Variants in OPRD1 observed in about 807,000 individuals in gnomAD.
The protein encoded by OPRD1 is delta-type opioid receptor.
OPRD1 carries 19 observed loss-of-function variants against 17.5 expected under a neutral mutation model. That is an observed-to-expected ratio of 1.09 (90% CI 0.76 to 1.60). The LOEUF (loss-of-function observed/expected upper bound fraction) is 1.60. Among genes scored for constraint, OPRD1 ranks in the 40% most tolerant of loss-of-function variants. OPRD1 has a pLI of 0.00. For missense variants in OPRD1, 483 were observed against 547.2 expected, an observed-to-expected ratio of 0.88 and a Z score of 1.17; for synonymous variants, 256 against 240.9, an observed-to-expected ratio of 1.06 and a Z score of -0.58.
rs375062380 is a variant in OPRD1, at chr1:28,859,065, G to A, written c.339G>A (p.Thr113=). ...PFQSAKYLME[T]WPFGELLCKA... ...AGAGTGCCAAGTACCTGATGGAGAC[G>A]TGGCCCTTCGGCGAGCTGCTCTGCA... The change falls in exon 2 of 3, where the codon ACG becomes ACA. Residue 113 remains threonine, a synonymous_variant. Coordinates refer to ENST00000234961, the MANE Select transcript of OPRD1 (RefSeq NM_000911.4). 35 of 1,614,066 alleles carry A rather than the reference G, an allele frequency of 2.2e-5. No individual in the cohort carries two copies. The highest frequency in any genetic ancestry group is 8.0e-5 in the African/African-American group (6 of 74,940).
intron 1 of OPRD1, among the ~76,000 whole-genome samples, chr1:28,857,454 TTTTTC>T (rs948427898): frequency 3.9e-5 from 6 of 152,114 alleles, no homozygotes; most frequent in African/African-American, 1.4e-4. Flanking sequence ...AGTATTTTTC[TTTTTC>T]TTTTCTTTTA....
intron 1 of OPRD1, among the ~76,000 whole-genome samples, chr1:28,853,483 C>A (rs2089026356): frequency 6.6e-6 from 1 of 152,178 alleles, no homozygotes; most frequent in Non-Finnish European, 1.5e-5. Flanking sequence ...TTAGGCATAG[C>A]CTTGCTTAAC....
At position 28,866,355 on chromosome 1, in the gene OPRD1, G is replaced by A. The variant is rs1307679510; in HGVS notation, c.*3072G>A. 1 of 152,284 alleles carries A rather than the reference G, an allele frequency of 6.6e-6. No individual in the cohort carries two copies. Among genetic ancestry groups the A allele is most frequent in the Non-Finnish European group, 1.5e-5 (1 of 68,082 alleles). The allele number at this position is 152,284 out of a possible 1,614,324, so 9.4% of individuals were successfully genotyped here. A position where few individuals can be genotyped will look rare whatever the true frequency, so the allele number is the denominator to read the frequency against. On this transcript the variant is annotated 3_prime_UTR_variant, in exon 3 of 3. Transcript: ENST00000234961. ...AATAGGAGTTGGCCACCAAAAAGAG[G>A]AAATAGCGTGTGCGGAGGCATGGGG...
At position 28,863,179 on chromosome 1, in the gene OPRD1, C is replaced by A; in HGVS notation, c.1015C>A (p.Arg339Ser). Reference protein sequence around the residue: ...FRQLCRKPCGRPDPSSFSRAR... With the variant: ...FRQLCRKPCGSPDPSSFSRAR... Reference sequence around the variant, plus strand: ...CCAGCTCTGCCGCAAGCCCTGCGGCCGCCCAGACCCCAGCAGCTTCAGCCG... The same window carrying A: ...CCAGCTCTGCCGCAAGCCCTGCGGCAGCCCAGACCCCAGCAGCTTCAGCCG... The change falls in exon 3 of 3, where the codon CGC becomes AGC. Residue 339 changes from arginine to serine, a missense_variant. Arg to Ser is a moderately radical substitution (Grantham distance 110). Coordinates refer to ENST00000234961, the MANE Select transcript of OPRD1 (RefSeq NM_000911.4). The A allele has an allele frequency of 6.3e-7, 1 of 1,598,406 alleles. No individual in the cohort carries two copies. The highest frequency in any genetic ancestry group is 1.1e-5 in the South Asian group (1 of 90,086).
At chr1:28,830,680 C>A (rs1042770835) in intron 1 of OPRD1, among the ~76,000 whole-genome samples, 50 of 152,224 alleles carry the variant, frequency 3.3e-4, no homozygotes, top group African/African-American at 1.2e-3. Flanking sequence ...ATAACTTGCT[C>A]ATAGCAGGGT....
chr1:28,862,466 G>A (rs747283995), intron 2 of OPRD1, among the ~76,000 whole-genome samples: 3 of 152,214 alleles, frequency 2.0e-5, no homozygotes, highest in South Asian at 2.1e-4. Flanking sequence ...ATTTCATTAC[G>A]GCCACCCATG....
In OPRD1 at chr1:28,846,130, C is replaced by G. The variant is rs569114854; in HGVS notation, c.228-12824C>G. On this transcript the variant is annotated intron_variant, in intron 1 of 2. Coordinates refer to ENST00000234961, the MANE Select transcript of OPRD1 (RefSeq NM_000911.4). ...CACTGTCGTCACATGTGATTTCTGACCATTCCTGCAGCCCATCAGGCTCTT... is the reference window on the plus strand; with the variant it reads ...CACTGTCGTCACATGTGATTTCTGAGCATTCCTGCAGCCCATCAGGCTCTT... Among the ~76,000 whole-genome samples the G allele has an allele frequency of 5.3e-5, 8 of 152,298 alleles. No individual in the cohort carries two copies. In the South Asian group the frequency reaches 1.7e-3, roughly 32 times the overall value.
At chr1:28,860,398 T>C (rs2089102873) in intron 2 of OPRD1, among the ~76,000 whole-genome samples, 1 of 152,000 alleles carries the variant, frequency 6.6e-6, no homozygotes. Context: ...CCATTTCTTC[T>C]AGTGACAGCT....
chr1:28,825,458 T>G (rs1298947975), intron 1 of OPRD1, among the ~76,000 whole-genome samples: 2 of 152,056 alleles, frequency 1.3e-5, no homozygotes, highest in East Asian at 3.9e-4. Flanking sequence ...CGATCTCGGC[T>G]CACTGCAACC....
chr1:28,824,707 G>A (rs2088749357), intron 1 of OPRD1, among the ~76,000 whole-genome samples: 1 of 152,078 alleles, frequency 6.6e-6, no homozygotes, highest in African/African-American at 2.4e-5. Flanking sequence ...TGCAGACCTC[G>A]TAGGAGGTGA....
At chr1:28,848,434 A>C (rs529520) in intron 1 of OPRD1, among the ~76,000 whole-genome samples, 72,219 of 151,960 alleles carry the variant, frequency 0.48, 18,765 homozygotes, top group East Asian at 0.87. Flanking sequence ...GGCAGTGTCC[A>C]TCAATATACT....
chr1:28,824,838 C>G (rs1338754159), intron 1 of OPRD1, among the ~76,000 whole-genome samples: 2 of 151,968 alleles, frequency 1.3e-5, no homozygotes, highest in Non-Finnish European at 2.9e-5. Context: ...AGAGCCCACA[C>G]TCTTTTTTTT....
rs548413687 is a variant in OPRD1 at position 28,846,692 on chromosome 1, A to G, written c.228-12262A>G. Among the ~76,000 whole-genome samples, 282 of 52,706 alleles carry G rather than the reference A, an allele frequency of 5.4e-3. 1 individual carries two copies. The highest frequency in any genetic ancestry group is 0.019 in the Middle Eastern group (2 of 104). The allele number at this position is 52,706 out of a possible 152,430, so 34.6% of individuals were successfully genotyped here. ...AGCAAGACTCTGTCTCAAAAAAAGA[A>G]AAAAAAAAAAAAAGAGAGAGAGAGA... On this transcript the variant is annotated intron_variant, in intron 1 of 2. Coordinates refer to ENST00000234961, the MANE Select transcript of OPRD1 (RefSeq NM_000911.4).
intron 1 of OPRD1, among the ~76,000 whole-genome samples, chr1:28,822,688 C>G (rs555556232): frequency 8.1e-4 from 123 of 151,570 alleles, no homozygotes; most frequent in African/African-American, 2.7e-3. Context: ...CGGGGTTTCA[C>G]CATGTTGGCC....
At chr1:28,852,986 C>T (rs2089019541) in intron 1 of OPRD1, among the ~76,000 whole-genome samples, 1 of 152,122 alleles carries the variant, frequency 6.6e-6, no homozygotes, top group South Asian at 2.1e-4. Flanking sequence ...TCCCAAAGTG[C>T]TGGGATTACA....
intron 1 of OPRD1, among the ~76,000 whole-genome samples, chr1:28,835,620 C>T (rs1251708746): frequency 6.6e-6 from 1 of 152,166 alleles, no homozygotes; most frequent in African/African-American, 2.4e-5. Context: ...ATAGAGGGAG[C>T]CCCAGCTGGA....
chr1:28,844,369 C>A (rs2088921985), intron 1 of OPRD1, among the ~76,000 whole-genome samples: 1 of 152,120 alleles, frequency 6.6e-6, no homozygotes, highest in Admixed American at 6.6e-5. Context: ...TGGCTCACTG[C>A]AGCCTCGACC....
At position 28,861,976 on chromosome 1, in the gene OPRD1, A is replaced by G. The variant is rs1192491294; in HGVS notation, c.578-766A>G. ...GCCCAGGCTGGAGTCCAGTGGCACG[A>G]TCTCGGCTCACTGCAAACTCCACCT... On this transcript the variant is annotated intron_variant, in intron 2 of 2. Transcript: ENST00000234961. 2.7e-5 allele frequency among the ~76,000 whole-genome samples: 4 copies of G among 146,204 alleles called. No individual in the cohort carries two copies. In the Admixed American group the frequency reaches 2.7e-4, roughly 10 times the overall value.
chr1:28,831,064 T>C (rs1387620603), intron 1 of OPRD1, among the ~76,000 whole-genome samples: 2 of 152,248 alleles, frequency 1.3e-5, no homozygotes, highest in African/African-American at 2.4e-5. Context: ...TTCCCTTGGT[T>C]ACAAAAACTC....
Sources: allele counts gnomAD v4.1 joint callset (sites outside exome capture counted in the v4.1 genomes callset), GRCh38; gene constraint gnomAD v4.1.1; transcripts MANE v1.5; gene names NCBI Gene and HGNC (gene_info 2026-07-23, HGNC 2026-07-21).